The following GPBP1 variants were observed in gnomAD, a reference collection of about 807,000 sequenced individuals.
The protein encoded by GPBP1 is GC-rich promoter binding protein 1.
Under a neutral mutation model 56.5 loss-of-function variants are expected in GPBP1, and 13 were observed. That is an observed-to-expected ratio of 0.23 (90% CI 0.15 to 0.37). The LOEUF (loss-of-function observed/expected upper bound fraction) is 0.37, where lower values mean the gene tolerates loss of function less well. GPBP1 is among the 10% of genes least tolerant of loss of function. GPBP1 has a pLI of 1.00. For missense variants in GPBP1, 477 were observed against 572.3 expected, an observed-to-expected ratio of 0.83 and a Z score of 1.70; for synonymous variants, 204 against 188.9, an observed-to-expected ratio of 1.08 and a Z score of -0.66.
chr5:57,210,046 G>T (rs1755406660), intron 2 of GPBP1, among the ~76,000 whole-genome samples: 2 of 152,142 alleles, frequency 1.3e-5, no homozygotes, highest in Non-Finnish European at 2.9e-5. Flanking sequence ...TTATTCTGAT[G>T]AAATCAATTT....
Position 57,262,785 on chromosome 5 carries a change from T to C in GPBP1, c.*33T>C. ...CCTAACAGCTTTAGAAATCTTAGTGTGATACATCTCTCATACAGTTTGGGG... is the reference window on the plus strand; with the variant it reads ...CCTAACAGCTTTAGAAATCTTAGTGCGATACATCTCTCATACAGTTTGGGG... On this transcript the variant is annotated 3_prime_UTR_variant, in exon 12 of 12. Coordinates refer to ENST00000506184, the MANE Select transcript of GPBP1 (RefSeq NM_022913.4). 2.5e-6 allele frequency: 4 copies of C among 1,582,116 alleles called. No homozygotes were observed. The highest frequency in any genetic ancestry group is 3.5e-6 in the Non-Finnish European group (4 of 1,152,498).
chr5:57,237,344 T>A, intron 6 of GPBP1: 1 of 620,364 alleles, frequency 1.6e-6, no homozygotes, highest in South Asian at 1.9e-5. Context: ...TATAAAACTA[T>A]CTATAGATAC....
At position 57,245,305 on chromosome 5, in the gene GPBP1, C is replaced by CAT. The variant is rs887376739; in HGVS notation, c.479-993_479-992dup. On this transcript the variant is annotated intron_variant, in intron 6 of 11. Coordinates refer to ENST00000506184, the MANE Select transcript of GPBP1 (RefSeq NM_022913.4). ...TTTAGCATTTCAATAGGTGAAGCAC[C>CAT]ATACCGGCTTTATCTTTTGGAGAGC... Among the ~76,000 whole-genome samples the CAT allele has an allele frequency of 2.0e-4, 31 of 152,230 alleles. 1 individual carries two copies. The highest frequency in any genetic ancestry group is 3.4e-3 in the Middle Eastern group (1 of 294).
intron 10 of GPBP1, among the ~76,000 whole-genome samples, chr5:57,260,422 A>C (rs1177236542): frequency 2.0e-5 from 3 of 152,122 alleles, no homozygotes; most frequent in African/African-American, 7.2e-5. Context: ...CTTCCACCCA[A>C]GTTTCACCAT....
At chr5:57,251,203 A>G in intron 10 of GPBP1, 62 bp downstream of exon 10, 1 of 1,364,274 alleles carries the variant, frequency 7.3e-7, no homozygotes, top group Non-Finnish European at 1.0e-6. Flanking sequence ...AATATTATAG[A>G]GTTTTTACGT....
At chr5:57,256,156 T>C (rs1279239667) in intron 10 of GPBP1, among the ~76,000 whole-genome samples, 4 of 152,136 alleles carry the variant, frequency 2.6e-5, no homozygotes, top group African/African-American at 4.8e-5. Context: ...CTGAGGAGGC[T>C]GAAGCACAAG....
At chr5:57,177,839 A>G (rs1561316130) in intron 2 of GPBP1, among the ~76,000 whole-genome samples, 3 of 151,608 alleles carry the variant, frequency 2.0e-5, no homozygotes, top group East Asian at 3.9e-4. Context: ...AGATGGCCTA[A>G]CATCATAACT....
intron 10 of GPBP1, among the ~76,000 whole-genome samples, chr5:57,255,489 G>A (rs1741616801): frequency 6.6e-6 from 1 of 152,234 alleles, no homozygotes; most frequent in Non-Finnish European, 1.5e-5. Context: ...TTGGTAGAAA[G>A]GGAAAAGGCC....
intron 3 of GPBP1, among the ~76,000 whole-genome samples, chr5:57,225,273 A>T (rs183659680): frequency 3.6e-4 from 52 of 143,480 alleles, no homozygotes; most frequent in African/African-American, 1.3e-3. Flanking sequence ...CCTGGCTAAC[A>T]TGGTGAAACC....
At chr5:57,212,208 G>A (rs111277479) in intron 2 of GPBP1, among the ~76,000 whole-genome samples, 1 of 152,092 alleles carries the variant, frequency 6.6e-6, no homozygotes, top group African/African-American at 2.4e-5. Flanking sequence ...GATTATACAT[G>A]ATTCCAGCCC....
intron 2 of GPBP1, among the ~76,000 whole-genome samples, chr5:57,210,695 T>G (rs1313716417): frequency 6.6e-6 from 1 of 152,234 alleles, no homozygotes; most frequent in Non-Finnish European, 1.5e-5. Flanking sequence ...CTGGGTGGCT[T>G]AAACAACAGA....
intron 2 of GPBP1, among the ~76,000 whole-genome samples, chr5:57,206,331 CCT>C (rs1755233265): frequency 6.6e-6 from 1 of 151,840 alleles, no homozygotes; most frequent in Non-Finnish European, 1.5e-5. Context: ...GCTTTATCTC[CCT>C]GTTTTCTTCT....
intron 2 of GPBP1, among the ~76,000 whole-genome samples, chr5:57,187,086 TAAATA>T (rs1202710008): frequency 4.9e-4 from 75 of 151,968 alleles, no homozygotes; most frequent in African/African-American, 1.7e-3. Flanking sequence ...TGCTAGTCCA[TAAATA>T]AAATAGTATT....
chr5:57,226,238 A>G (rs1418385318), intron 3 of GPBP1, among the ~76,000 whole-genome samples: 1 of 152,180 alleles, frequency 6.6e-6, no homozygotes, highest in Non-Finnish European at 1.5e-5. Flanking sequence ...ATGAACTGTA[A>G]TGGATAATCA....
At chr5:57,245,070 T>C (rs1248826973) in intron 6 of GPBP1, among the ~76,000 whole-genome samples, 3 of 152,180 alleles carry the variant, frequency 2.0e-5, no homozygotes, top group Non-Finnish European at 4.4e-5. Context: ...TTTTGTTAAC[T>C]TTGTTGTGTA....
At chr5:57,182,411 C>T (rs541347372) in intron 2 of GPBP1, among the ~76,000 whole-genome samples, 2 of 147,792 alleles carry the variant, frequency 1.4e-5, no homozygotes, top group South Asian at 2.2e-4. Flanking sequence ...CTCACTCTGT[C>T]GCCCAGGCTG....
intron 6 of GPBP1, among the ~76,000 whole-genome samples, chr5:57,243,239 G>C (rs181718652): frequency 2.0e-5 from 3 of 151,770 alleles, no homozygotes; most frequent in East Asian, 1.9e-4. Flanking sequence ...GCTAATTTTT[G>C]TATTTTTAGT....
chr5:57,197,821 AATG>A (rs1754833469), intron 2 of GPBP1, among the ~76,000 whole-genome samples: 1 of 151,226 alleles, frequency 6.6e-6, no homozygotes. Flanking sequence ...GTTTTTTTTT[AATG>A]ATCTCTTTCA....
chr5:57,259,288 G>A (rs1037118495), intron 10 of GPBP1, among the ~76,000 whole-genome samples: 2 of 152,128 alleles, frequency 1.3e-5, no homozygotes, highest in Non-Finnish European at 2.9e-5. Context: ...GTAAAATGTG[G>A]ATATCATGTT....
Sources: allele counts gnomAD v4.1 joint callset (sites outside exome capture counted in the v4.1 genomes callset), GRCh38; gene constraint gnomAD v4.1.1; transcripts MANE v1.5; gene names NCBI Gene and HGNC (gene_info 2026-07-23, HGNC 2026-07-21).